RHPN2: variants seen among roughly 807,000 people sequenced by gnomAD.
RHPN2 encodes the protein rhophilin-2.
Under a neutral mutation model 79.0 loss-of-function variants are expected in RHPN2, and 40 were observed. The observed-to-expected ratio is 0.51, with a 90% CI of 0.39 to 0.66. RHPN2 has a LOEUF of 0.66. Ranked by LOEUF, RHPN2 falls within the 30% of genes least tolerant of loss-of-function variation. The pLI is 0.00. For synonymous variants in RHPN2, 285 were observed against 363.5 expected (o/e 0.78, Z 2.46); for missense variants, 686 against 883.5 (o/e 0.78, Z 2.83).
intron 2 of RHPN2, among the ~76,000 whole-genome samples, chr19:33,037,123 G>A (rs1032742758): frequency 2.6e-4 from 39 of 152,232 alleles, no homozygotes; most frequent in African/African-American, 8.4e-4. Flanking sequence ...TAAATACACC[G>A]ATCGGCACTC....
chr19:33,029,426 T>C (rs1568320543), intron 2 of RHPN2, among the ~76,000 whole-genome samples: 1 of 148,450 alleles, frequency 6.7e-6, no homozygotes, highest in Non-Finnish European at 1.5e-5. Flanking sequence ...CTCGGGGGGC[T>C]GAGGCAGGAG....
intron 11 of RHPN2, 105 bp from the exon 12 acceptor site, chr19:32,994,158 G>A: frequency 1.3e-6 from 1 of 796,132 alleles, no homozygotes; most frequent in East Asian, 2.9e-5. Context: ...CACTTTGGGA[G>A]GCTGAGGCAG....
intron 14 of RHPN2, among the ~76,000 whole-genome samples, chr19:32,983,303 G>A (rs1366429401): frequency 6.6e-6 from 1 of 152,068 alleles, no homozygotes; most frequent in African/African-American, 2.4e-5. Context: ...ACAAGGTCAG[G>A]AGATTGAGAC....
intron 7 of RHPN2, 103 bp downstream of exon 7, chr19:33,007,911 G>A (rs78477341): frequency 1.1e-6 from 1 of 870,848 alleles, no homozygotes; most frequent in Non-Finnish European, 1.6e-6. Context: ...AGACTGGTCT[G>A]GCCCTTGCGA....
intron 14 of RHPN2, among the ~76,000 whole-genome samples, chr19:32,982,444 A>T (rs1264844155): frequency 6.6e-6 from 1 of 151,840 alleles, no homozygotes; most frequent in Non-Finnish European, 1.5e-5. Flanking sequence ...AATAAAATAA[A>T]CCCTCAGAGG....
At chr19:33,031,306 G>T in intron 2 of RHPN2, among the ~76,000 whole-genome samples, 1 of 118,146 alleles carries the variant, frequency 8.5e-6, no homozygotes, top group Non-Finnish European at 1.6e-5. Flanking sequence ...TGTCACCCAG[G>T]CTGGAGTGCA....
intron 1 of RHPN2, among the ~76,000 whole-genome samples, chr19:33,062,207 A>C (rs1381119615): frequency 6.6e-6 from 1 of 151,980 alleles, no homozygotes; most frequent in East Asian, 1.9e-4. Context: ...CATCTAAAAA[A>C]CACCCCACTT....
At chr19:33,052,295 G>A (rs922784416) in intron 1 of RHPN2, among the ~76,000 whole-genome samples, 2 of 152,144 alleles carry the variant, frequency 1.3e-5, no homozygotes, top group African/African-American at 4.8e-5. Flanking sequence ...CTTCTGCACA[G>A]CCAAAGATAA....
chr19:33,055,767 C>A (rs1442516764), intron 1 of RHPN2, among the ~76,000 whole-genome samples: 2 of 151,082 alleles, frequency 1.3e-5, no homozygotes, highest in Non-Finnish European at 1.5e-5. Flanking sequence ...AACAAAAATT[C>A]TCCTTCCTTC....
chr19:33,010,467 C>T (rs1971826874), intron 6 of RHPN2, among the ~76,000 whole-genome samples: 1 of 150,976 alleles, frequency 6.6e-6, no homozygotes, highest in African/African-American at 2.4e-5. Flanking sequence ...ATTGCAACCT[C>T]TGCCTCCCGG....
chr19:33,004,103 A>C (rs1392878199), intron 7 of RHPN2, among the ~76,000 whole-genome samples: 1 of 152,188 alleles, frequency 6.6e-6, no homozygotes, highest in African/African-American at 2.4e-5. Flanking sequence ...CGGTGGCACA[A>C]TCATGGCTCA....
chr19:33,061,440 C>T (rs1437448564), intron 1 of RHPN2, among the ~76,000 whole-genome samples: 1 of 151,240 alleles, frequency 6.6e-6, no homozygotes, highest in Non-Finnish European at 1.5e-5. Flanking sequence ...CTCCTGACCT[C>T]GTGATCCACT....
At chr19:33,034,006 C>T (rs906138828) in intron 2 of RHPN2, among the ~76,000 whole-genome samples, 5 of 145,588 alleles carry the variant, frequency 3.4e-5, no homozygotes, top group Non-Finnish European at 7.4e-5. Context: ...ATGTCTCCCC[C>T]CTCCCATCTT....
At chr19:33,007,487 CATAAATAA>C (rs58950332) in intron 7 of RHPN2, among the ~76,000 whole-genome samples, 36,808 of 147,824 alleles carry the variant, frequency 0.25, 4,705 homozygotes, top group East Asian at 0.35. Flanking sequence ...AACTCCATCT[CATAAATAA>C]ATAAATAAAT....
chr19:33,059,448 G>A (rs957431150), intron 1 of RHPN2, among the ~76,000 whole-genome samples: 5 of 151,854 alleles, frequency 3.3e-5, no homozygotes, highest in Non-Finnish European at 7.4e-5. Context: ...ACAGGTGCCC[G>A]CCACCACGCC....
chr19:33,012,642 C>T lies in RHPN2; in HGVS notation c.468+5G>A, dbSNP rs1351032252. 1 of 1,589,834 alleles carries T rather than the reference C, an allele frequency of 6.3e-7. No individual in the cohort carries two copies. The highest frequency in any genetic ancestry group is 8.6e-7 in the Non-Finnish European group (1 of 1,157,912). On this transcript the variant is annotated splice_donor_5th_base_variant and intron_variant, in intron 5 of 14. Transcript: ENST00000254260. The stretch of plus-strand genomic sequence containing the variant: ...CTCCCCTCTCTGCTGCACACAAAAA[C>T]TTACTTGTCTCAGATCCATAAGATC...
intron 4 of RHPN2, among the ~76,000 whole-genome samples, chr19:33,015,224 A>C (rs1444012571): frequency 6.6e-6 from 1 of 152,152 alleles, no homozygotes; most frequent in Admixed American, 6.6e-5. Flanking sequence ...CAAGAGTTCA[A>C]GACCAGCCTG....
chr19:33,044,336 C>A lies in RHPN2; in HGVS notation c.98G>T (p.Arg33Leu), dbSNP rs776582819. The A allele has an allele frequency of 6.2e-7, 1 of 1,614,054 alleles. No individual in the cohort carries two copies. The change falls in exon 2 of 15, where the codon CGG (arginine) becomes CTG (leucine). Residue 33 changes from arginine to leucine, a missense_variant. Transcript: ENST00000254260. ...AGCTCTTTGATTCTGCAATTTACTC[C>A]GGCCGGTTTGTGCAAGGGGATTACA... is the stretch of plus-strand genomic sequence containing the variant. ...KGCNPLAQTG[R>L]SKLQNQRAAL...
intron 14 of RHPN2, among the ~76,000 whole-genome samples, chr19:32,983,629 CTTT>C (rs558224234): frequency 7.1e-5 from 9 of 126,898 alleles, no homozygotes; most frequent in Admixed American, 8.2e-5. Flanking sequence ...TTTTAAAAGC[CTTT>C]TTTTTTTTTT....
Sources: allele counts gnomAD v4.1 joint callset (sites outside exome capture counted in the v4.1 genomes callset), GRCh38; gene constraint gnomAD v4.1.1; transcripts MANE v1.5; gene names NCBI Gene and HGNC (gene_info 2026-07-23, HGNC 2026-07-21).